The following ADCY9 variants were observed in gnomAD, a reference collection of about 807,000 sequenced individuals.
ADCY9 encodes the protein adenylate cyclase type 9.
In ADCY9, 50 loss-of-function variants were observed where a neutral mutation model predicts 101.5. That is an observed-to-expected ratio of 0.49 (90% CI 0.39 to 0.62). ADCY9 has a LOEUF of 0.62. Among genes scored for constraint, ADCY9 ranks in the 20% least tolerant of loss-of-function variants. The pLI is 0.00. For missense variants in ADCY9, 1,662 were observed against 1,800.4 expected (o/e 0.92, Z 1.39); for synonymous variants, 905 against 769.3 (o/e 1.18, Z -2.92).
intron 2 of ADCY9, among the ~76,000 whole-genome samples, chr16:4,049,344 C>T (rs554242284): frequency 1.3e-5 from 2 of 152,272 alleles, no homozygotes; most frequent in Non-Finnish European, 2.9e-5. Flanking sequence ...GGGCAGCACC[C>T]ACCCCTAGCT....
In ADCY9 at chr16:4,007,548, T is replaced by C. The variant is rs769898910; in HGVS notation, c.1704A>G (p.Thr568=). ...VVADQLKGLK[T]YLISGQRAKE... ...TGGCTCTCTGACCCGATATCAGGTA[T>C]GTCTTCAAACCTATGATGGATAAAA... The change falls in exon 3 of 11, where the codon ACA becomes ACG. Residue 568 remains threonine, a synonymous_variant. Coordinates refer to ENST00000294016, the MANE Select transcript of ADCY9 (RefSeq NM_001116.4). The C allele has an allele frequency of 3.7e-6, 6 of 1,608,244 alleles. No individual in the cohort carries two copies. In the South Asian group the frequency reaches 5.6e-5, roughly 15 times the overall value.
chr16:4,114,212 A>T lies in ADCY9; in HGVS notation c.1231T>A (p.Ser411Thr), dbSNP rs2057132448. The T allele has an allele frequency of 6.2e-7, 1 of 1,613,964 alleles. No individual in the cohort carries two copies. Among genetic ancestry groups the T allele is most frequent in the East Asian group, 2.2e-5 (1 of 44,882 alleles). ...VGFTKMSANKSAHALVGLLND... is the reference protein window; with the variant it reads ...VGFTKMSANKTAHALVGLLND... Reference sequence around the variant, plus strand: ...AGGAGACCCACCAGGGCGTGGGCAGACTTGTTGGCACTCATCTTGGTGAAG... The same window carrying T: ...AGGAGACCCACCAGGGCGTGGGCAGTCTTGTTGGCACTCATCTTGGTGAAG... The change falls in exon 2 of 11, where the codon TCT (serine) becomes ACT (threonine). Residue 411 changes from serine (S) to threonine (T), a missense_variant. Physicochemically the swap from Ser to Thr is moderately conservative, Grantham distance 58. This residue lies in a region of ADCY9 where 228 missense variants were observed against 301.1 expected (regional missense o/e 0.76). Transcript: ENST00000294016. The surrounding 1 kb of genome is among the most constrained non-coding windows in gnomAD (Gnocchi z 4.3).
chr16:3,990,376 G>T (rs2056234236), intron 5 of ADCY9, among the ~76,000 whole-genome samples: 1 of 151,796 alleles, frequency 6.6e-6, no homozygotes, highest in African/African-American at 2.4e-5. Flanking sequence ...TAAGGCAGGA[G>T]AATCACTTGA....
chr16:3,974,722 ATG>A lies in ADCY9; in HGVS notation c.2829-14_2829-13del. 6.2e-7 allele frequency: 1 copy of A among 1,609,246 alleles called. No individual in the cohort carries two copies. Among genetic ancestry groups the A allele is most frequent in the South Asian group, 1.1e-5 (1 of 90,880 alleles). On this transcript the variant is annotated splice_polypyrimidine_tract_variant and intron_variant, in intron 9 of 10. Coordinates refer to ENST00000294016, the MANE Select transcript of ADCY9 (RefSeq NM_001116.4). ...AAGTTAATACAGAACTGAAATTAAA[ATG>A]CAGAAAAATATTATCATAAAGAGCA...
chr16:4,041,530 A>AAAAAAAAAAAAG (rs1173372401), intron 2 of ADCY9, among the ~76,000 whole-genome samples: 1 of 121,130 alleles, frequency 8.3e-6, no homozygotes, highest in African/African-American at 3.2e-5. Context: ...AAAAAAAAAG[A>AAAAAAAAAAAAG]GGCTCTTTCT....
In ADCY9 at chr16:4,115,425, G is replaced by T; in HGVS notation, c.18C>A (p.His6Gln). The change falls in exon 2 of 11, where the codon CAC becomes CAA. Residue 6 changes from histidine to glutamine, a missense_variant. This residue lies in a region of ADCY9 where 422 missense variants were observed against 392.0 expected (regional missense o/e 1.08). Coordinates refer to ENST00000294016, the MANE Select transcript of ADCY9 (RefSeq NM_001116.4). The surrounding 1 kb of genome is among the most constrained non-coding windows in gnomAD (Gnocchi z 6.2). MASPP[H>Q]QQLLHHHSTE... ...TGCTGTGGTGATGCAGCAGCTGCTG[G>T]TGGGGTGGGGAAGCCATGTTGTCGA... is the stretch of plus-strand genomic sequence containing the variant. 1 of 1,560,134 alleles carries T rather than the reference G, an allele frequency of 6.4e-7. No individual in the cohort carries two copies.
chr16:4,041,506 CAAAA>C (rs55669348), intron 2 of ADCY9, among the ~76,000 whole-genome samples: 8 of 94,610 alleles, frequency 8.5e-5, no homozygotes, highest in Non-Finnish European at 1.2e-4. Flanking sequence ...GTATTAAAAC[CAAAA>C]AAAAAAAAAA....
At chr16:4,081,276 T>G (rs1037687161) in intron 2 of ADCY9, among the ~76,000 whole-genome samples, 2 of 152,116 alleles carry the variant, frequency 1.3e-5, no homozygotes, top group Non-Finnish European at 2.9e-5. Context: ...AGGGAGAAGG[T>G]TGCACGTTGC....
intron 2 of ADCY9, among the ~76,000 whole-genome samples, chr16:4,069,009 T>C (rs1269488898): frequency 6.6e-6 from 1 of 152,130 alleles, no homozygotes; most frequent in Non-Finnish European, 1.5e-5. Flanking sequence ...CATACATACA[T>C]TTTTGTACTT....
intron 9 of ADCY9, 120 bp from the exon 10 acceptor site, chr16:3,974,830 A>G (rs2056080741): frequency 1.4e-6 from 1 of 733,356 alleles, no homozygotes; most frequent in Non-Finnish European, 2.4e-6. Context: ...ACATCCACAT[A>G]AAGCCACCTG....
At chr16:4,028,727 A>G (rs985599673) in intron 2 of ADCY9, among the ~76,000 whole-genome samples, 1 of 152,130 alleles carries the variant, frequency 6.6e-6, no homozygotes, top group African/African-American at 2.4e-5. Flanking sequence ...TGTGCAAATG[A>G]TACCTTAGTA....
chr16:3,997,485 A>G (rs528988387), intron 3 of ADCY9, among the ~76,000 whole-genome samples: 24 of 152,278 alleles, frequency 1.6e-4, no homozygotes, highest in African/African-American at 5.1e-4. Context: ...CGAGGCCTGC[A>G]CCCTGCAGTG....
intron 5 of ADCY9, among the ~76,000 whole-genome samples, chr16:3,956,671 T>TC (rs1249761281): frequency 6.6e-6 from 1 of 151,142 alleles, no homozygotes; most frequent in Non-Finnish European, 1.5e-5. Flanking sequence ...TTTTTTTTTT[T>TC]TCTAGTAGAA....
At chr16:4,066,612 TG>T (rs1421449373) in intron 2 of ADCY9, among the ~76,000 whole-genome samples, 1 of 152,180 alleles carries the variant, frequency 6.6e-6, no homozygotes, top group Non-Finnish European at 1.5e-5. Context: ...CTCAAATGCC[TG>T]GGCTCAGGTG....
chr16:4,085,800 T>A (rs1011984096), intron 2 of ADCY9, among the ~76,000 whole-genome samples: 4 of 151,988 alleles, frequency 2.6e-5, no homozygotes, highest in Admixed American at 1.3e-4. Context: ...CCCAGACGTC[T>A]GTGTTTTGAC....
chr16:3,977,707 C>G (rs926285891), intron 8 of ADCY9, 77 bp from the exon 9 acceptor site: 1 of 1,506,778 alleles, frequency 6.6e-7, no homozygotes, highest in East Asian at 2.3e-5. Flanking sequence ...CCAAAACATT[C>G]GCCACTAATC....
At chr16:4,024,864 A>G (rs533789065) in intron 2 of ADCY9, among the ~76,000 whole-genome samples, 13 of 152,282 alleles carry the variant, frequency 8.5e-5, no homozygotes, top group Non-Finnish European at 1.8e-4. Context: ...CCCAAGCTGA[A>G]GATGCTGGTG....
chr16:3,994,875 G>A (rs2056274918), intron 3 of ADCY9, among the ~76,000 whole-genome samples: 1 of 152,218 alleles, frequency 6.6e-6, no homozygotes, highest in South Asian at 2.1e-4. Context: ...CCGTGTGATG[G>A]TGAGCTAGTC....
intron 7 of ADCY9, 53 bp downstream of exon 7, chr16:3,983,179 A>C (rs1277663839): frequency 1.1e-5 from 16 of 1,476,544 alleles, no homozygotes; most frequent in Non-Finnish European, 1.4e-5. Flanking sequence ...CCATGGAGCC[A>C]GAAGAGGGAG....
Sources: allele counts gnomAD v4.1 joint callset (sites outside exome capture counted in the v4.1 genomes callset), GRCh38; gene constraint gnomAD v4.1.1; regional missense constraint gnomAD v4.1.1; non-coding constraint Gnocchi (gnomAD v3.1); transcripts MANE v1.5; gene names NCBI Gene and HGNC (gene_info 2026-07-23, HGNC 2026-07-21).